Variants in IRAK1 observed in about 807,000 individuals in gnomAD.
The protein encoded by IRAK1 is interleukin 1 receptor associated kinase 1.
IRAK1 carries 9 observed loss-of-function variants against 49.8 expected under a neutral mutation model. That is an observed-to-expected ratio of 0.18 (90% CI 0.11 to 0.32). The LOEUF (loss-of-function observed/expected upper bound fraction) is 0.32, where lower values mean the gene tolerates loss of function less well. Among genes scored for constraint, IRAK1 ranks in the 10% least tolerant of loss-of-function variants. The pLI, the probability that IRAK1 is intolerant of heterozygous loss-of-function variation, is 1.00. For synonymous variants in IRAK1, 282 were observed against 270.8 expected (o/e 1.04, Z -0.41); for missense variants, 418 against 600.5 (o/e 0.70, Z 3.18).
chrX:154,012,817 A>G (rs957255748), intron 12 of IRAK1, 139 bp from the exon 13 acceptor site: 52 of 787,173 alleles, frequency 6.6e-5, no homozygotes, highest in Non-Finnish European at 9.1e-5. Context: ...TACCAGACAG[A>G]GCCCTCCTTG....
Position 154,019,543 on chromosome X carries a change from C to T in IRAK1, c.192G>A (p.Gln64=). 1 of 1,173,289 alleles carries T rather than the reference C, an allele frequency of 8.5e-7. No individual in the cohort carries two copies. Among genetic ancestry groups the T allele is most frequent in the African/African-American group, 1.8e-5 (1 of 55,974 alleles). ...TELRLCERSG[Q]RTASVLWPWI... ...AGGGCCACAGGACGCTGGCCGTGCG[C>T]TGCCCGGAGCGCTCGCACAGCCGCA... The change falls in exon 2 of 14, where the codon CAG becomes CAA. Residue 64 remains glutamine, a synonymous_variant. Transcript: ENST00000369980.
At chrX:154,012,474 T>C (rs2065706171) in intron 13 of IRAK1, 55 bp downstream of exon 13, 12 of 1,155,779 alleles carry the variant, frequency 1.0e-5, no homozygotes, top group Admixed American at 2.4e-5. Context: ...CTCTGCTCTT[T>C]GGGGCTGACA....
At chrX:154,014,323 T>G (rs1557128547) in intron 10 of IRAK1, 45 bp from the exon 11 acceptor site, 1 of 1,146,859 alleles carries the variant, frequency 8.7e-7, no homozygotes, top group African/African-American at 1.8e-5. Flanking sequence ...TGGCCACACC[T>G]GCAGCTGCAG....
chrX:154,014,176 T>C lies in IRAK1; in HGVS notation c.1405A>G (p.Ile469Val). The change falls in exon 11 of 14, where the codon ATC becomes GTC. Residue 469 changes from isoleucine to valine, a missense_variant. Coordinates refer to ENST00000369980, the MANE Select transcript of IRAK1 (RefSeq NM_001569.4). ...GLAADAWAAP[I>V]AMQIYKKHLD... ...TGCTTCTTGTAGATCTGCATGGCGA[T>C]GGGAGCAGCCCAGGCATCTGCAGCC... The C allele has an allele frequency of 1.7e-6, 2 of 1,210,073 alleles. No individual in the cohort carries two copies. The highest frequency in any genetic ancestry group is 2.2e-6 in the Non-Finnish European group (2 of 894,821).
chrX:154,016,789 G>A lies in IRAK1; in HGVS notation c.1029-145C>T, dbSNP rs1557129366. ...CCCTGAGCGCTCCAGCTGCCTGGGG[G>A]CCTCTGCTCATCAGTAGGGCCCATC... On this transcript the variant is annotated intron_variant, in intron 8 of 13. Coordinates refer to ENST00000369980, the MANE Select transcript of IRAK1 (RefSeq NM_001569.4). The A allele has an allele frequency of 1.8e-5, 11 of 614,200 alleles. No homozygotes were observed. In the South Asian group the frequency reaches 2.4e-4, roughly 14 times the overall value. The allele number at this position is 614,200 out of a possible 1,213,427, so 50.6% of individuals were successfully genotyped here.
rs1557127793 is a variant in IRAK1 at position 154,012,502 on chromosome X, C to T, written c.2080+27G>A. 4 of 1,198,149 alleles carry T rather than the reference C, an allele frequency of 3.3e-6. No homozygotes were observed. The South Asian group carries it at 7.3e-5, about 22-fold the overall frequency. ...GGCTGACACGGATGCGCCTGAGCAC[C>T]CCAGAGGCCAGCCTGGGCGGCAGCA... On this transcript the variant is annotated intron_variant, in intron 13 of 13. Transcript: ENST00000369980.
rs952410596 is a variant in IRAK1 at position 154,011,582 on chromosome X, C to T, written c.*277G>A. On this transcript the variant is annotated 3_prime_UTR_variant, in exon 14 of 14. Transcript: ENST00000369980. ...CACAGCAGCCCCTCTCCTCCCCTCACGGGTCTGTGCAGCCAGCAGCCTCCC... is the reference window on the plus strand; with the variant it reads ...CACAGCAGCCCCTCTCCTCCCCTCATGGGTCTGTGCAGCCAGCAGCCTCCC... 8.3e-5 allele frequency: 35 copies of T among 420,844 alleles called. No homozygotes were observed. The highest frequency in any genetic ancestry group is 1.2e-4 in the Non-Finnish European group (29 of 233,884). 34.7% of individuals were successfully genotyped at this position (420,844 alleles called of 1,213,427 possible). A position where few individuals can be genotyped will look rare whatever the true frequency, so the allele number is the denominator to read the frequency against.
chrX:154,014,523 A>G (rs1310960506), intron 10 of IRAK1: 3 of 362,030 alleles, frequency 8.3e-6, no homozygotes, highest in African/African-American at 8.2e-5. Context: ...TCTTTCTACA[A>G]CTTACTTTTT....
At position 154,012,650 on chromosome X, in the gene IRAK1, CGAT is replaced by C. The variant is rs1569547644; in HGVS notation, c.1956_1958del (p.Ser655del). 8.3e-7 allele frequency: 1 copy of C among 1,211,388 alleles called. No homozygotes were observed. ...TGATAATCTGCGGTGGCTCTGACGA[CGAT>C]GATGCAGAGCTGCCAAGGGCCAGTC... On this transcript the variant is annotated inframe_deletion, in exon 13 of 14. Coordinates refer to ENST00000369980, the MANE Select transcript of IRAK1 (RefSeq NM_001569.4).
chrX:154,014,398 T>A, intron 10 of IRAK1, 120 bp from the exon 11 acceptor site: 1 of 690,463 alleles, frequency 1.4e-6, no homozygotes, highest in Non-Finnish European at 2.1e-6. Flanking sequence ...AAAAAAGAGA[T>A]GGGGTCTCGC....
At chrX:154,015,626 C>T (rs782185986) in intron 10 of IRAK1, among the ~76,000 whole-genome samples, 29 of 112,467 alleles carry the variant, frequency 2.6e-4, no homozygotes, top group Non-Finnish European at 5.5e-4. Flanking sequence ...GGAGTAAGAC[C>T]GTGAGGCAGC....
rs2148642865 is a variant in IRAK1, at chrX:154,018,653, G to A, written c.675C>T (p.Cys225=). 2 of 1,209,285 alleles carry A rather than the reference G, an allele frequency of 1.7e-6. No homozygotes were observed. Among genetic ancestry groups the A allele is most frequent in the Non-Finnish European group, 1.1e-6 (1 of 893,456 alleles). The change falls in exon 5 of 14, where the codon TGC becomes TGT. Residue 225 remains cysteine, a synonymous_variant. Coordinates refer to ENST00000369980, the MANE Select transcript of IRAK1 (RefSeq NM_001569.4). ...TGTTCCTCATCACCGCCCGGTACAC[G>A]CACCCAAAGCCACCCTCCCCGATCT... ...ELKIGEGGFG[C]VYRAVMRNTV...
Position 154,019,792 on chromosome X carries a change from C to T in IRAK1, c.21G>A (p.Pro7=), listed in dbSNP as rs1383030896. The change falls in exon 1 of 14, where the codon CCG becomes CCA. Residue 7 remains proline (P), a synonymous_variant. Coordinates refer to ENST00000369980, the MANE Select transcript of IRAK1 (RefSeq NM_001569.4). MAGGPG[P]GEPAAPGAQH... ...GGGCGCCGGGGGCTGCGGGCTCCCC[C>T]GGGCCCGGCCCCCCGGCCATGGCTG... is the stretch of plus-strand genomic sequence containing the variant. 3.4e-6 allele frequency: 3 copies of T among 889,285 alleles called. No homozygotes were observed. The highest frequency in any genetic ancestry group is 2.8e-6 in the Non-Finnish European group (2 of 725,479). 73.3% of individuals were successfully genotyped at this position (889,285 alleles called of 1,213,427 possible). A position where few individuals can be genotyped will look rare whatever the true frequency, so the allele number is the denominator to read the frequency against.
In IRAK1 at chrX:154,017,036, T is replaced by G; in HGVS notation, c.941A>C (p.Gln314Pro). Residue 314 changes from glutamine to proline, a missense_variant, in exon 8 of 14, where the codon CAG becomes CCG. Coordinates refer to ENST00000369980, the MANE Select transcript of IRAK1 (RefSeq NM_001569.4). ...TGTACCCAGAAGGATGTCCAGTCGC[T>G]GAGGCCAGGAGAGAGGTGGGCAGGC... The part of the protein sequence containing the change: ...TQACPPLSWP[Q>P]RLDILLGTAR... 8.3e-7 allele frequency: 1 copy of G among 1,209,832 alleles called. No individual in the cohort carries two copies. Among genetic ancestry groups the G allele is most frequent in the African/African-American group, 1.7e-5 (1 of 57,808 alleles).
At position 154,018,191 on chromosome X, in the gene IRAK1, G is replaced by A. The variant is rs1010227449; in HGVS notation, c.795-71C>T. 35 of 1,057,267 alleles carry A rather than the reference G, an allele frequency of 3.3e-5. No homozygotes were observed. The Middle Eastern group carries it at 7.5e-4, about 23-fold the overall frequency. The allele number at this position is 1,057,267 out of a possible 1,213,427, so 87.1% of individuals were successfully genotyped here. A position where few individuals can be genotyped will look rare whatever the true frequency, so the allele number is the denominator to read the frequency against. On this transcript the variant is annotated intron_variant, in intron 6 of 13. Coordinates refer to ENST00000369980, the MANE Select transcript of IRAK1 (RefSeq NM_001569.4). ...GCAGCCCTGGCTGGGGCCTCAGCTC[G>A]CCCGGGCCTGCCAGGCCTCAGGTGC...
At position 154,019,348 on chromosome X, in the gene IRAK1, A is replaced by C; in HGVS notation, c.305-20T>G. ...GGTGCCCTGGGACGCCAAGGAAGGAAAGGAAGGTTGAGGCCCGGGTGGGGG... is the reference window on the plus strand; with the variant it reads ...GGTGCCCTGGGACGCCAAGGAAGGACAGGAAGGTTGAGGCCCGGGTGGGGG... On this transcript the variant is annotated intron_variant, in intron 2 of 13. Transcript: ENST00000369980. 8.7e-7 allele frequency: 1 copy of C among 1,152,506 alleles called. No homozygotes were observed. The highest frequency in any genetic ancestry group is 1.2e-6 in the Non-Finnish European group (1 of 865,786). 95.0% of individuals were successfully genotyped at this position (1,152,506 alleles called of 1,213,427 possible).
intron 7 of IRAK1, 38 bp downstream of exon 7, chrX:154,017,968 T>G: frequency 9.7e-7 from 1 of 1,031,245 alleles, no homozygotes; most frequent in Non-Finnish European, 1.4e-6. Flanking sequence ...CAGGAGTGCT[T>G]TGGGTCCTGG....
rs1366497265 is a variant in IRAK1, at chrX:154,016,086, C to T, written c.1248G>A (p.Glu416=). 2 of 1,206,716 alleles carry T rather than the reference C, an allele frequency of 1.7e-6. No individual in the cohort carries two copies. The highest frequency in any genetic ancestry group is 1.7e-5 in the African/African-American group (1 of 57,270). ...TCACAGCCCTCTGACCAGCCAAGGT[C>T]TCTAGCACTACCTGGAGAGAGGGAA... ...DTFSFGVVVL[E]TLAGQRAVKT... The change falls in exon 10 of 14, where the codon GAG becomes GAA. Residue 416 remains glutamate (E), a synonymous_variant. Coordinates refer to ENST00000369980, the MANE Select transcript of IRAK1 (RefSeq NM_001569.4).
intron 10 of IRAK1, among the ~76,000 whole-genome samples, 176 bp downstream of exon 10, chrX:154,015,856 T>G (rs1259150296): frequency 8.9e-6 from 1 of 112,530 alleles, no homozygotes; most frequent in Non-Finnish European, 1.9e-5. Flanking sequence ...CAGACAGGTT[T>G]GTCCTCGGCA....
Sources: allele counts gnomAD v4.1 joint callset (sites outside exome capture counted in the v4.1 genomes callset), GRCh38; gene constraint gnomAD v4.1.1; transcripts MANE v1.5; gene names NCBI Gene and HGNC (gene_info 2026-07-23, HGNC 2026-07-21).